Variants in EPAS1 observed in about 807,000 individuals in gnomAD.
The protein encoded by EPAS1 is endothelial PAS domain protein 1.
EPAS1 carries 23 observed loss-of-function variants against 87.9 expected under a neutral mutation model. The ratio of observed to expected loss-of-function variants is 0.26; its 90% confidence interval spans 0.19 to 0.37. EPAS1 has a LOEUF of 0.37. Ranked by LOEUF, EPAS1 falls within the 10% of genes least tolerant of loss-of-function variation. EPAS1 has a pLI of 1.00. For synonymous variants in EPAS1, 508 were observed against 444.3 expected (o/e 1.14, Z -1.80); for missense variants, 1,138 against 1,120.7 (o/e 1.02, Z -0.22).
At chr2:46,355,696 CTT>C (rs1341406979) in intron 2 of EPAS1, among the ~76,000 whole-genome samples, 1 of 152,166 alleles carries the variant, frequency 6.6e-6, no homozygotes, top group Non-Finnish European at 1.5e-5. Flanking sequence ...AAGTAAATGT[CTT>C]TGGAGATAAA....
intron 6 of EPAS1, among the ~76,000 whole-genome samples, chr2:46,364,019 G>C (rs1684454839): frequency 6.6e-6 from 1 of 152,340 alleles, no homozygotes; most frequent in African/African-American, 2.4e-5. Flanking sequence ...TGAGGCCTGA[G>C]ATATTTTTGG....
intron 9 of EPAS1, among the ~76,000 whole-genome samples, chr2:46,377,304 G>A (rs1684774795): frequency 2.0e-5 from 3 of 152,242 alleles, no homozygotes; most frequent in Admixed American, 2.0e-4. Context: ...GACCCCGGCA[G>A]GGTTTTCAGC....
chr2:46,328,042 T>C (rs1283710823), intron 1 of EPAS1, among the ~76,000 whole-genome samples: 1 of 152,222 alleles, frequency 6.6e-6, no homozygotes, highest in Non-Finnish European at 1.5e-5. Flanking sequence ...GGCAACAGCC[T>C]CAAATTTTTC....
chr2:46,310,922 G>C (rs987651930), intron 1 of EPAS1, among the ~76,000 whole-genome samples: 2 of 152,212 alleles, frequency 1.3e-5, no homozygotes, highest in African/African-American at 4.8e-5. Flanking sequence ...TGTTGCCCAG[G>C]CTGGAGTGCA....
rs565113852 is a variant in EPAS1, at chr2:46,311,887, G to A, written c.26+13950G>A. On this transcript the variant is annotated intron_variant, in intron 1 of 15. Transcript: ENST00000263734. ...GAAAACCCAGGCAGAAAGGAGTCTG[G>A]GTGACTGTGAGCATTGATCCCTTTG... Among the ~76,000 whole-genome samples the A allele has an allele frequency of 1.4e-4, 22 of 152,244 alleles. 1 individual carries two copies. The South Asian group carries it at 4.6e-3, about 32-fold the overall frequency.
rs940701953 is a variant in EPAS1 at position 46,384,637 on chromosome 2, A to C, written c.2590A>C (p.Arg864=). 1.9e-6 allele frequency: 3 copies of C among 1,613,934 alleles called. No individual in the cohort carries two copies. The highest frequency in any genetic ancestry group is 2.5e-6 in the Non-Finnish European group (3 of 1,180,020). ...STLLQGGDLL[R]ALDQAT The stretch of plus-strand genomic sequence containing the variant: ...GCTCCTGCAAGGAGGGGACCTCCTC[A>C]GAGCCCTGGACCAGGCCACCTGAGC... Residue 864 remains arginine, a synonymous_variant, in exon 16 of 16, where the codon AGA becomes CGA. Coordinates refer to ENST00000263734, the MANE Select transcript of EPAS1 (RefSeq NM_001430.5).
At position 46,347,381 on chromosome 2, in the gene EPAS1, G is replaced by A. The variant is rs191664280; in HGVS notation, c.217+318G>A. On this transcript the variant is annotated intron_variant, in intron 2 of 15. Transcript: ENST00000263734. This position sits in a 1 kb window ranked among gnomAD's most constrained non-coding sequence, Gnocchi z 4.2. ...TGACTTCTCAATTTGTTGCCATCTG[G>A]CCATAAGACCCATCCTCCACACTAG... 2.6e-4 allele frequency: 113 copies of A among 438,222 alleles called. No individual in the cohort carries two copies. The highest frequency in any genetic ancestry group is 2.4e-4 in the Non-Finnish European group (57 of 234,502). The allele number at this position is 438,222 out of a possible 1,614,324, so 27.1% of individuals were successfully genotyped here.
Position 46,344,576 on chromosome 2 carries a change from C to T in EPAS1, c.27-2297C>T, listed in dbSNP as rs148604794. ...AATACTTGCAATTCTTTAACTTTTT[C>T]TCCACAATCAGGTCAGGATTAAAAT... is the stretch of plus-strand genomic sequence containing the variant. On this transcript the variant is annotated intron_variant, in intron 1 of 15. Coordinates refer to ENST00000263734, the MANE Select transcript of EPAS1 (RefSeq NM_001430.5). Among the ~76,000 whole-genome samples, 389 of 152,264 alleles carry T rather than the reference C, an allele frequency of 2.6e-3. 1 individual carries two copies. The highest frequency in any genetic ancestry group is 9.1e-3 in the African/African-American group (376 of 41,546).
intron 1 of EPAS1, among the ~76,000 whole-genome samples, chr2:46,310,636 G>C (rs1429714989): frequency 3.9e-5 from 6 of 152,212 alleles, no homozygotes; most frequent in Admixed American, 3.9e-4. Flanking sequence ...CCCTCCTCGA[G>C]CAGGTGTAAC....
intron 6 of EPAS1, among the ~76,000 whole-genome samples, chr2:46,363,014 GTGGTGATAATGA>G (rs1257904383): frequency 2.8e-5 from 4 of 141,086 alleles, no homozygotes; most frequent in African/African-American, 1.1e-4. Context: ...GGTGGTGGTG[GTGGTGATAATGA>G]TGGTGGTTCA....
At chr2:46,338,341 A>G (rs1458500155) in intron 1 of EPAS1, among the ~76,000 whole-genome samples, 2 of 152,176 alleles carry the variant, frequency 1.3e-5, no homozygotes, top group Non-Finnish European at 2.9e-5. Flanking sequence ...GTTGTTTCCT[A>G]GTTATATAGT....
chr2:46,334,469 T>C (rs1683748620), intron 1 of EPAS1, among the ~76,000 whole-genome samples: 1 of 152,138 alleles, frequency 6.6e-6, no homozygotes, highest in Non-Finnish European at 1.5e-5. Flanking sequence ...CCATCCTGAT[T>C]GCCTCCCTGT....
chr2:46,342,099 C>T (rs1572629367), intron 1 of EPAS1, among the ~76,000 whole-genome samples: 1 of 152,288 alleles, frequency 6.6e-6, no homozygotes, highest in Admixed American at 6.5e-5. Flanking sequence ...CCAGCCTGCA[C>T]CTGAGACCTA....
chr2:46,339,782 C>T (rs1683871563), intron 1 of EPAS1, among the ~76,000 whole-genome samples: 2 of 152,196 alleles, frequency 1.3e-5, no homozygotes, highest in South Asian at 4.1e-4. Context: ...TGTCCAGGTG[C>T]CAGCAGATTC....
Position 46,380,862 on chromosome 2 carries a change from G to A in EPAS1, c.2045+145G>A. 1 of 1,419,822 alleles carries A rather than the reference G, an allele frequency of 7.0e-7. No individual in the cohort carries two copies. The highest frequency in any genetic ancestry group is 9.7e-7 in the Non-Finnish European group (1 of 1,034,382). The allele number at this position is 1,419,822 out of a possible 1,614,324, so 88.0% of individuals were successfully genotyped here. A position where few individuals can be genotyped will look rare whatever the true frequency, so the allele number is the denominator to read the frequency against. Reference sequence around the variant, plus strand: ...GCCCTTCTCTGAGCTCAGACTTTGGGGAATCACCTCAAGCCATGTGAGGCC... The same window carrying A: ...GCCCTTCTCTGAGCTCAGACTTTGGAGAATCACCTCAAGCCATGTGAGGCC... On this transcript the variant is annotated intron_variant, in intron 12 of 15. Coordinates refer to ENST00000263734, the MANE Select transcript of EPAS1 (RefSeq NM_001430.5). The surrounding 1 kb of genome is among the most constrained non-coding windows in gnomAD (Gnocchi z 4.4).
chr2:46,364,330 T>C (rs1298324132), intron 6 of EPAS1, among the ~76,000 whole-genome samples: 4 of 152,160 alleles, frequency 2.6e-5, no homozygotes, highest in African/African-American at 9.7e-5. Flanking sequence ...AAAATCAATT[T>C]TGAAGCAGTT....
chr2:46,362,754 T>A (rs1227597029), intron 6 of EPAS1, among the ~76,000 whole-genome samples: 1 of 152,230 alleles, frequency 6.6e-6, no homozygotes, highest in Non-Finnish European at 1.5e-5. Context: ...TGGCACAATT[T>A]CAGAACTTTT....
At chr2:46,381,352 G>A in intron 12 of EPAS1, 1 of 579,194 alleles carries the variant, frequency 1.7e-6, no homozygotes, top group Non-Finnish European at 3.1e-6. Context: ...GACTAACATT[G>A]CCCAGCCAGG....
At chr2:46,332,536 G>A (rs760522613) in intron 1 of EPAS1, among the ~76,000 whole-genome samples, 16 of 152,138 alleles carry the variant, frequency 1.1e-4, no homozygotes, top group Admixed American at 2.0e-4. Flanking sequence ...AGTCAAAGGC[G>A]GAGGAGTAGA....
Sources: gnomAD v4.1 joint callset for allele counts (sites outside exome capture counted in the v4.1 genomes callset) on GRCh38, gnomAD v4.1.1 for gene constraint, Gnocchi (gnomAD v3.1) non-coding constraint, MANE v1.5 for transcripts, NCBI Gene and HGNC (gene_info 2026-07-23, HGNC 2026-07-21) for gene names.